Variants in NRG2 observed in about 807,000 individuals in gnomAD.
The protein encoded by NRG2 is neuregulin 2.
In NRG2, 27 loss-of-function variants were observed where a neutral mutation model predicts 73.9. The ratio of observed to expected loss-of-function variants is 0.37; its 90% CI spans 0.27 to 0.50. The LOEUF is 0.50. NRG2 is among the 20% of genes least tolerant of loss of function. The pLI is 0.96. For synonymous variants in NRG2, 532 were observed against 541.0 expected (o/e 0.98, Z 0.23); for missense variants, 1,126 against 1,210.1 (o/e 0.93, Z 1.03).
chr5:139,921,804 A>G (rs981299626), intron 1 of NRG2, among the ~76,000 whole-genome samples: 2 of 152,164 alleles, frequency 1.3e-5, no homozygotes, highest in African/African-American at 2.4e-5. Flanking sequence ...GCTCACACCT[A>G]TAATTCCAGC....
intron 1 of NRG2, among the ~76,000 whole-genome samples, chr5:139,897,482 C>T (rs1002116740): frequency 5.9e-5 from 9 of 152,196 alleles, no homozygotes; most frequent in East Asian, 3.9e-4. Context: ...GACTTTCACA[C>T]GCTCTTCTCG....
intron 3 of NRG2, among the ~76,000 whole-genome samples, chr5:139,879,972 A>G (rs1763421724): frequency 6.6e-6 from 1 of 152,096 alleles, no homozygotes; most frequent in Non-Finnish European, 1.5e-5. Flanking sequence ...AGACCATGCT[A>G]GGTTTAGGGC....
chr5:140,032,238 G>C lies in NRG2; in HGVS notation c.700+10132C>G, dbSNP rs1036969102. 2.6e-5 allele frequency among the ~76,000 whole-genome samples: 4 copies of C among 152,178 alleles called. No homozygotes were observed. In the East Asian group the frequency reaches 7.7e-4, roughly 29 times the overall value. On this transcript the variant is annotated intron_variant, in intron 1 of 9. Coordinates refer to ENST00000361474, the MANE Select transcript of NRG2 (RefSeq NM_004883.3). ...GACCAGAATAAGGAATATCCAAAAA[G>C]CTCAGGTGGCAAGTGAAACTGGTAA...
intron 1 of NRG2, among the ~76,000 whole-genome samples, chr5:139,895,285 C>T (rs1038964233): frequency 3.9e-5 from 6 of 152,238 alleles, no homozygotes; most frequent in South Asian, 2.1e-4. Flanking sequence ...CCCAGAGTCA[C>T]GCAGGTCCAC....
intron 3 of NRG2, among the ~76,000 whole-genome samples, chr5:139,872,386 G>T (rs1003021104): frequency 4.6e-5 from 7 of 152,172 alleles, no homozygotes; most frequent in Non-Finnish European, 7.3e-5. Flanking sequence ...CTGGAGAGAT[G>T]TTGGGGGTAG....
Position 139,926,929 on chromosome 5 carries a change from G to T in NRG2, c.701-39418C>A, listed in dbSNP as rs189948153. On this transcript the variant is annotated intron_variant, in intron 1 of 9. Transcript: ENST00000361474. Reference sequence around the variant, plus strand: ...AAAGTGGATGTGATGGGCCCCATCTGTGAAGTGTATCACCTGAGCTCACCT... The same window carrying T: ...AAAGTGGATGTGATGGGCCCCATCTTTGAAGTGTATCACCTGAGCTCACCT... Among the ~76,000 whole-genome samples, 7 of 152,304 alleles carry T rather than the reference G, an allele frequency of 4.6e-5. No homozygotes were observed. In the East Asian group the frequency reaches 1.4e-3, roughly 29 times the overall value.
At chr5:139,974,558 C>T (rs140465149) in intron 1 of NRG2, among the ~76,000 whole-genome samples, 98 of 152,224 alleles carry the variant, frequency 6.4e-4, no homozygotes, top group African/African-American at 2.1e-3. Context: ...ATGAGGCAAT[C>T]GCACACTCAA....
chr5:139,872,605 A>T (rs1229892153), intron 3 of NRG2, among the ~76,000 whole-genome samples: 1 of 151,988 alleles, frequency 6.6e-6, no homozygotes, highest in Non-Finnish European at 1.5e-5. Context: ...GCCATAAATC[A>T]CGGGTTTCAA....
chr5:139,883,368 CCCT>C (rs1763660768), intron 2 of NRG2, among the ~76,000 whole-genome samples: 1 of 151,722 alleles, frequency 6.6e-6, no homozygotes, highest in South Asian at 2.1e-4. Flanking sequence ...TCCAGCCTGC[CCCT>C]CATAAACAAG....
chr5:139,855,730 C>G lies in NRG2; in HGVS notation c.1238G>C (p.Cys413Ser). 6.2e-7 allele frequency: 1 copy of G among 1,614,130 alleles called. No individual in the cohort carries two copies. Among genetic ancestry groups the G allele is most frequent in the South Asian group, 1.1e-5 (1 of 91,080 alleles). Residue 413 changes from cysteine (C) to serine (S), a missense_variant, in exon 6 of 10, where the codon TGC becomes TCC. Transcript: ENST00000361474. ...GATGCCCACGACCAGCAGAGCCACG[C>G]AGATGCCCGTGATGGTCAGGACCCT... ...QKRVLTITGI[C>S]VALLVVGIVC...
Position 139,856,058 on chromosome 5 carries a change from A to C in NRG2, c.1190-280T>G. 2.2e-6 allele frequency: 1 copy of C among 458,770 alleles called. No homozygotes were observed. The highest frequency in any genetic ancestry group is 4.0e-6 in the Non-Finnish European group (1 of 250,550). 28.4% of individuals were successfully genotyped at this position (458,770 alleles called of 1,614,324 possible). A position where few individuals can be genotyped will look rare whatever the true frequency, so the allele number is the denominator to read the frequency against. On this transcript the variant is annotated intron_variant, in intron 5 of 9. Transcript: ENST00000361474. This position sits in a 1 kb window ranked among gnomAD's most constrained non-coding sequence, Gnocchi z 4.2. Reference sequence around the variant, plus strand: ...ATGCCTGCCCAGAGCACATGAGTGGAAAATGCAGGGGAATGGGAAGGGATG... The same window carrying C: ...ATGCCTGCCCAGAGCACATGAGTGGCAAATGCAGGGGAATGGGAAGGGATG...
chr5:139,855,569 G>A (rs1400551209), intron 6 of NRG2, 107 bp downstream of exon 6: 7 of 947,912 alleles, frequency 7.4e-6, no homozygotes, highest in Non-Finnish European at 1.0e-5. Flanking sequence ...GCCTAGGAGG[G>A]TATAGAGGGC....
chr5:140,039,544 C>T (rs1561771801), intron 1 of NRG2, among the ~76,000 whole-genome samples: 1 of 152,160 alleles, frequency 6.6e-6, no homozygotes, highest in Non-Finnish European at 1.5e-5. Context: ...CCTTTCCCCA[C>T]CTTAGATCAC....
intron 1 of NRG2, among the ~76,000 whole-genome samples, chr5:139,934,135 G>C (rs1379141056): frequency 6.6e-6 from 1 of 152,178 alleles, no homozygotes; most frequent in Non-Finnish European, 1.5e-5. Context: ...GGAGGTTCAG[G>C]CTGCAGTGAG....
Position 139,915,076 on chromosome 5 carries a change from G to A in NRG2, c.701-27565C>T, listed in dbSNP as rs1274153981. Among the ~76,000 whole-genome samples, 1 of 152,202 alleles carries A rather than the reference G, an allele frequency of 6.6e-6. No homozygotes were observed. The highest frequency in any genetic ancestry group is 2.4e-5 in the African/African-American group (1 of 41,450). On this transcript the variant is annotated intron_variant, in intron 1 of 9. Transcript: ENST00000361474. This position sits in a 1 kb window ranked among gnomAD's most constrained non-coding sequence, Gnocchi z 4.0. ...CAGGGTGTGGCTCCAGTAATTCAAG[G>A]GGGAAGGGGCTGTGGGAGAAAAGAC...
intron 1 of NRG2, among the ~76,000 whole-genome samples, chr5:139,888,204 A>G (rs1763995925): frequency 6.6e-6 from 1 of 152,284 alleles, no homozygotes; most frequent in Admixed American, 6.5e-5. Context: ...GCTGAGGTGT[A>G]TAACAATTTC....
rs1349063139 is a variant in NRG2 at position 139,915,528 on chromosome 5, G to A, written c.701-28017C>T. Among the ~76,000 whole-genome samples the A allele has an allele frequency of 6.6e-6, 1 of 152,200 alleles. No homozygotes were observed. Among genetic ancestry groups the A allele is most frequent in the East Asian group, 1.9e-4 (1 of 5,194 alleles). On this transcript the variant is annotated intron_variant, in intron 1 of 9. Coordinates refer to ENST00000361474, the MANE Select transcript of NRG2 (RefSeq NM_004883.3). This position sits in a 1 kb window ranked among gnomAD's most constrained non-coding sequence, Gnocchi z 4.0. ...CCCCTGATCTCTGGATTACCAGGAA[G>A]GATGCTGAATTCCTCAGAGGAGATT... is the stretch of plus-strand genomic sequence containing the variant.
Position 139,904,299 on chromosome 5 carries a change from TG to T in NRG2, c.701-16789del, listed in dbSNP as rs1398518150. The T allele has an allele frequency of 2.5e-6, 4 of 1,586,352 alleles. No homozygotes were observed. The highest frequency in any genetic ancestry group is 4.6e-5 in the East Asian group (2 of 43,736). Reference sequence around the variant, plus strand: ...AACCGGGTTTCTGGGCGCGCGGAGGTGCCCTACCTTTCTCCCCGGGATCGGG... The same window carrying T: ...AACCGGGTTTCTGGGCGCGCGGAGGTCCCTACCTTTCTCCCCGGGATCGGG... On this transcript the variant is annotated intron_variant, in intron 1 of 9. Transcript: ENST00000361474. The surrounding 1 kb of genome is among the most constrained non-coding windows in gnomAD (Gnocchi z 6.0).
intron 5 of NRG2, among the ~76,000 whole-genome samples, chr5:139,864,385 C>CTTT (rs954495131): frequency 3.8e-4 from 51 of 134,586 alleles, no homozygotes; most frequent in African/African-American, 9.1e-4. Flanking sequence ...TCTTCTTCTT[C>CTTT]TTTTTTTTTT....
Sources: allele counts gnomAD v4.1 joint callset (sites outside exome capture counted in the v4.1 genomes callset), GRCh38; gene constraint gnomAD v4.1.1; non-coding constraint Gnocchi (gnomAD v3.1); transcripts MANE v1.5; gene names NCBI Gene and HGNC (gene_info 2026-07-23, HGNC 2026-07-21).